FLVCR2: variants seen among roughly 807,000 people sequenced by gnomAD.
FLVCR2 encodes FLVCR choline and putative heme transporter 2.
In FLVCR2, 38 loss-of-function variants were observed where a neutral mutation model predicts 48.9. The ratio of observed to expected loss-of-function variants is 0.78; its 90% CI spans 0.60 to 1.02. The LOEUF (loss-of-function observed/expected upper bound fraction) is 1.02, where lower values mean the gene tolerates loss of function less well. Among genes scored for constraint, FLVCR2 ranks in the 50% least tolerant of loss-of-function variants. The pLI is 0.00. For missense variants in FLVCR2, 664 were observed against 663.3 expected (o/e 1.00, Z -0.01); for synonymous variants, 255 against 257.0 (o/e 0.99, Z 0.07).
intron 5 of FLVCR2, among the ~76,000 whole-genome samples, chr14:75,636,632 G>A (rs952419431): frequency 3.3e-5 from 5 of 152,150 alleles, no homozygotes; most frequent in African/African-American, 1.2e-4. Context: ...CTAGCATCAC[G>A]TGATGTCTAA....
intron 1 of FLVCR2, among the ~76,000 whole-genome samples, chr14:75,616,188 A>G (rs543299065): frequency 2.0e-5 from 3 of 150,038 alleles, no homozygotes; most frequent in African/African-American, 7.4e-5. Context: ...TCAGCCAGGC[A>G]TGGTGTCATG....
intron 1 of FLVCR2, among the ~76,000 whole-genome samples, chr14:75,583,056 T>C (rs1300578263): frequency 6.6e-6 from 1 of 152,156 alleles, no homozygotes; most frequent in African/African-American, 2.4e-5. Context: ...CCCAGATAAG[T>C]TGCTGAGGCT....
intron 1 of FLVCR2, among the ~76,000 whole-genome samples, chr14:75,607,911 A>T (rs1361630753): frequency 6.6e-6 from 1 of 152,132 alleles, no homozygotes; most frequent in Non-Finnish European, 1.5e-5. Context: ...TATCTCTACA[A>T]AAATAGTTAA....
intron 1 of FLVCR2, among the ~76,000 whole-genome samples, chr14:75,611,598 G>T (rs1889450313): frequency 6.6e-6 from 1 of 151,756 alleles, no homozygotes; most frequent in African/African-American, 2.4e-5. Flanking sequence ...TTAGCCAGGT[G>T]TGTTGGGCGC....
Position 75,579,165 on chromosome 14 carries a change from G to T in FLVCR2, c.193G>T (p.Ala65Ser). 1 of 1,614,034 alleles carries T rather than the reference G, an allele frequency of 6.2e-7. No individual in the cohort carries two copies. Among genetic ancestry groups the T allele is most frequent in the Non-Finnish European group, 8.5e-7 (1 of 1,180,036 alleles). Residue 65 changes from alanine to serine, a missense_variant, in exon 1 of 10, where the codon GCT becomes TCT. Transcript: ENST00000238667. ...TGCCTTAGCCCAACCCAGTGGCTTG[G>T]CTCACCCCAGTAGCTCGGGCCCTGA... ...PSALAQPSGL[A>S]HPSSSGPEDL... is the part of the protein sequence containing the mutation.
intron 1 of FLVCR2, among the ~76,000 whole-genome samples, chr14:75,586,047 C>G (rs1353099711): frequency 6.6e-6 from 1 of 152,224 alleles, no homozygotes; most frequent in Non-Finnish European, 1.5e-5. Context: ...AGAAGTCCCT[C>G]TGACCTGGGT....
At chr14:75,645,172 G>A (rs1323884376) in intron 9 of FLVCR2, among the ~76,000 whole-genome samples, 2 of 152,032 alleles carry the variant, frequency 1.3e-5, no homozygotes, top group Non-Finnish European at 2.9e-5. Flanking sequence ...CCAAGTGTTA[G>A]CAAGATTGAG....
Position 75,647,045 on chromosome 14 carries a change from C to T in FLVCR2, c.*573C>T, listed in dbSNP as rs116699854. On this transcript the variant is annotated 3_prime_UTR_variant, in exon 10 of 10. Coordinates refer to ENST00000238667, the MANE Select transcript of FLVCR2 (RefSeq NM_017791.3). ...GTGGGCCTAAATTTTCCTGGCCTAA[C>T]GGGTCTGTCTCCAAACCCTCTTTCC... The T allele has an allele frequency of 4.7e-3, 807 of 170,400 alleles. 7 individuals carry two copies. Among genetic ancestry groups the T allele is most frequent in the African/African-American group, 0.018 (755 of 42,032 alleles). 10.6% of individuals were successfully genotyped at this position (170,400 alleles called of 1,614,324 possible). A position where few individuals can be genotyped will look rare whatever the true frequency, so the allele number is the denominator to read the frequency against.
Position 75,625,091 on chromosome 14 carries a change from T to TG in FLVCR2, c.952+339_952+340insG, listed in dbSNP as rs1376352775. ...AACACCTGTCATTAAAAAAAAATTT[T>TG]TTTGCAGGTCTATTTCCCCATTAGA... On this transcript the variant is annotated intron_variant, in intron 3 of 9. Coordinates refer to ENST00000238667, the MANE Select transcript of FLVCR2 (RefSeq NM_017791.3). Among the ~76,000 whole-genome samples the TG allele has an allele frequency of 4.6e-5, 7 of 151,400 alleles. No homozygotes were observed. The South Asian group carries it at 1.5e-3, about 32-fold the overall frequency.
intron 1 of FLVCR2, among the ~76,000 whole-genome samples, chr14:75,583,538 G>A (rs544879231): frequency 3.3e-5 from 5 of 152,198 alleles, no homozygotes; most frequent in East Asian, 1.9e-4. Flanking sequence ...GGGGGGATAC[G>A]AGAGGAAGAC....
In FLVCR2 at chr14:75,634,409, G is replaced by C. The variant is rs541404424; in HGVS notation, c.1021-501G>C. Among the ~76,000 whole-genome samples the C allele has an allele frequency of 2.0e-5, 3 of 152,262 alleles. No individual in the cohort carries two copies. In the East Asian group the frequency reaches 5.8e-4, roughly 29 times the overall value. The stretch of plus-strand genomic sequence containing the variant: ...GACTGACTCCTAACCTTATGATGGG[G>C]AATGGCGAGGAGTAAATGAGATAAT... On this transcript the variant is annotated intron_variant, in intron 4 of 9. Transcript: ENST00000238667.
chr14:75,609,011 C>A (rs1188728510), intron 1 of FLVCR2, among the ~76,000 whole-genome samples: 2 of 152,150 alleles, frequency 1.3e-5, no homozygotes, highest in African/African-American at 2.4e-5. Flanking sequence ...CAGTTGACAG[C>A]AGGCAATGAG....
At chr14:75,646,039 G>A (rs1427667995) in intron 9 of FLVCR2, among the ~76,000 whole-genome samples, 1 of 152,130 alleles carries the variant, frequency 6.6e-6, no homozygotes, top group African/African-American at 2.4e-5. Context: ...GGTTAGTTGA[G>A]GTGAGTTTTC....
chr14:75,634,861 T>C, intron 4 of FLVCR2, 49 bp from the exon 5 acceptor site: 1 of 1,293,694 alleles, frequency 7.7e-7, no homozygotes, highest in Non-Finnish European at 1.1e-6. Flanking sequence ...TGCTCTGTCC[T>C]GGGTCTTGTC....
chr14:75,616,435 C>T (rs1401958589), intron 1 of FLVCR2, among the ~76,000 whole-genome samples: 1 of 152,116 alleles, frequency 6.6e-6, no homozygotes, highest in Admixed American at 6.6e-5. Context: ...AGCCTTCAGC[C>T]TCAGGGACTC....
At chr14:75,606,252 C>T (rs1224133893) in intron 1 of FLVCR2, among the ~76,000 whole-genome samples, 2 of 152,096 alleles carry the variant, frequency 1.3e-5, no homozygotes, top group African/African-American at 4.8e-5. Flanking sequence ...GTCTTGAACT[C>T]CTGGGCTCAA....
chr14:75,588,980 G>C (rs377326676), intron 1 of FLVCR2, among the ~76,000 whole-genome samples: 1 of 152,036 alleles, frequency 6.6e-6, no homozygotes, highest in African/African-American at 2.4e-5. Context: ...TCAAGGCACC[G>C]TTCATGATGA....
chr14:75,645,965 CA>C, intron 9 of FLVCR2, among the ~76,000 whole-genome samples: 1 of 150,736 alleles, frequency 6.6e-6, no homozygotes, highest in East Asian at 2.0e-4. Flanking sequence ...GGGCTGCCTC[CA>C]AGTGGGGGTT....
intron 9 of FLVCR2, among the ~76,000 whole-genome samples, chr14:75,643,968 G>A (rs1349095474): frequency 6.6e-6 from 1 of 151,698 alleles, no homozygotes; most frequent in Non-Finnish European, 1.5e-5. Flanking sequence ...TACTCGGGAG[G>A]TGGAGGTTGC....
Sources: gnomAD v4.1 joint callset for allele counts (sites outside exome capture counted in the v4.1 genomes callset) on GRCh38, gnomAD v4.1.1 for gene constraint, MANE v1.5 for transcripts, NCBI Gene and HGNC (gene_info 2026-07-23, HGNC 2026-07-21) for gene names.